NRG1: variants seen among roughly 807,000 people sequenced by gnomAD.
NRG1 encodes the protein pro-neuregulin-1, membrane-bound isoform.
Under a neutral mutation model 63.8 loss-of-function variants are expected in NRG1, and 18 were observed. That is an observed-to-expected ratio of 0.28 (90% confidence interval 0.19 to 0.42). The LOEUF (loss-of-function observed/expected upper bound fraction) is 0.42, where lower values mean the gene tolerates loss of function less well. Among genes scored for constraint, NRG1 ranks in the 10% least tolerant of loss-of-function variants. The pLI is 1.00. For synonymous variants in NRG1, 302 were observed against 301.3 expected, an observed-to-expected ratio of 1.00 and a Z score of -0.02; for missense variants, 762 against 814.7, an observed-to-expected ratio of 0.94 and a Z score of 0.79.
At chr8:31,665,126 T>G (rs1005929095) in intron 1 of NRG1, among the ~76,000 whole-genome samples, 3 of 152,012 alleles carry the variant, frequency 2.0e-5, no homozygotes, top group Non-Finnish European at 4.4e-5. Flanking sequence ...GGGTGCTGGG[T>G]TGGGCACTTT....
intron 5 of NRG1, among the ~76,000 whole-genome samples, chr8:32,620,862 GA>G (rs560353753): frequency 1.3e-5 from 2 of 151,334 alleles, no homozygotes; most frequent in African/African-American, 2.4e-5. Flanking sequence ...GAAAGAAAAA[GA>G]AAAAAACAAA....
intron 1 of NRG1, among the ~76,000 whole-genome samples, chr8:31,665,207 G>A (rs750969229): frequency 2.0e-5 from 3 of 152,102 alleles, no homozygotes; most frequent in Non-Finnish European, 4.4e-5. Flanking sequence ...GGAAGCATAG[G>A]CTCAGAAAGT....
At chr8:31,736,980 G>A (rs1365099777) in intron 1 of NRG1, among the ~76,000 whole-genome samples, 3 of 152,090 alleles carry the variant, frequency 2.0e-5, no homozygotes, top group Non-Finnish European at 2.9e-5. Flanking sequence ...ACAAATACAT[G>A]GTTTTGGTTC....
intron 1 of NRG1, among the ~76,000 whole-genome samples, chr8:32,551,997 G>A (rs1834227179): frequency 6.9e-6 from 1 of 144,380 alleles, no homozygotes; most frequent in Admixed American, 7.3e-5. Context: ...TGCAACCTCT[G>A]CCTCCTGGGT....
At chr8:32,089,838 T>G (rs1248618152) in intron 1 of NRG1, among the ~76,000 whole-genome samples, 1 of 152,212 alleles carries the variant, frequency 6.6e-6, no homozygotes, top group Non-Finnish European at 1.5e-5. Context: ...GACAGGAAGC[T>G]TCACAGATTT....
intron 1 of NRG1, among the ~76,000 whole-genome samples, chr8:32,115,744 ATACTAC>A (rs2131501251): frequency 6.6e-6 from 1 of 152,284 alleles, no homozygotes; most frequent in East Asian, 1.9e-4. Flanking sequence ...TACAAGGTGG[ATACTAC>A]TATTGTCCTC....
At chr8:32,460,057 C>T (rs1029959868) in intron 1 of NRG1, among the ~76,000 whole-genome samples, 2 of 152,214 alleles carry the variant, frequency 1.3e-5, no homozygotes, top group African/African-American at 4.8e-5. Flanking sequence ...CCTGCCACTC[C>T]TGCCCCTGAA....
intron 1 of NRG1, among the ~76,000 whole-genome samples, chr8:31,962,091 G>A (rs777157321): frequency 2.6e-4 from 39 of 152,068 alleles, no homozygotes; most frequent in Non-Finnish European, 4.1e-4. Context: ...TCTTCAAACC[G>A]TGTAGAAATA....
chr8:31,742,841 T>C (rs1242093917), intron 1 of NRG1, among the ~76,000 whole-genome samples: 1 of 151,988 alleles, frequency 6.6e-6, no homozygotes, highest in African/African-American at 2.4e-5. Context: ...GACATTTTCA[T>C]GAGCAAGGCC....
chr8:31,679,177 C>T lies in NRG1; in HGVS notation c.37+39746C>T, dbSNP rs186270274. ...TCCTTTCCTCCCTCAGTTCTCTTTT[C>T]ACCTGTTGTCTTCTCAATGAGGCTC... On this transcript the variant is annotated intron_variant, in intron 1 of 10. Transcript: ENST00000519301. 2.5e-3 allele frequency among the ~76,000 whole-genome samples: 382 copies of T among 152,024 alleles called. 5 individuals are homozygous for T. Among genetic ancestry groups the T allele is most frequent in the African/African-American group, 8.8e-3 (364 of 41,504 alleles).
At chr8:31,954,403 A>G (rs1804023657) in intron 1 of NRG1, among the ~76,000 whole-genome samples, 1 of 152,208 alleles carries the variant, frequency 6.6e-6, no homozygotes, top group Admixed American at 6.5e-5. Context: ...ATTTCTTAGG[A>G]TGTAAGAGAG....
intron 1 of NRG1, among the ~76,000 whole-genome samples, chr8:31,822,028 G>C (rs1824053535): frequency 6.6e-6 from 1 of 152,138 alleles, no homozygotes; most frequent in Admixed American, 6.5e-5. Flanking sequence ...CATTTCCACT[G>C]ACCAATAGAA....
chr8:31,852,793 G>T (rs922816008), intron 1 of NRG1, among the ~76,000 whole-genome samples: 2 of 152,158 alleles, frequency 1.3e-5, no homozygotes, highest in Non-Finnish European at 2.9e-5. Context: ...TGTATAAGGT[G>T]TAAGGAAGGG....
chr8:32,439,396 A>T (rs894486436), intron 1 of NRG1, among the ~76,000 whole-genome samples: 3 of 152,200 alleles, frequency 2.0e-5, no homozygotes, highest in African/African-American at 7.2e-5. Context: ...TTCCAGGAAG[A>T]TCATGACAGT....
chr8:31,966,646 G>A (rs1354045662), intron 1 of NRG1, among the ~76,000 whole-genome samples: 1 of 152,148 alleles, frequency 6.6e-6, no homozygotes, highest in African/African-American at 2.4e-5. Context: ...ATCTTAGAAG[G>A]TCAAGATTCC....
At chr8:32,087,611 C>T (rs896666240) in intron 1 of NRG1, among the ~76,000 whole-genome samples, 8 of 149,352 alleles carry the variant, frequency 5.4e-5, no homozygotes, top group Non-Finnish European at 1.0e-4. Flanking sequence ...GCTGGGACTA[C>T]AGGTGCGTGT....
chr8:32,746,604 A>G (rs1248160212), intron 7 of NRG1, among the ~76,000 whole-genome samples: 1 of 152,190 alleles, frequency 6.6e-6, no homozygotes, highest in East Asian at 1.9e-4. Context: ...AATATTTAAT[A>G]GTTTCTGAAG....
At chr8:31,703,388 G>T (rs1810819916) in intron 1 of NRG1, among the ~76,000 whole-genome samples, 2 of 151,806 alleles carry the variant, frequency 1.3e-5, no homozygotes, top group African/African-American at 4.8e-5. Flanking sequence ...GCCAAAACTT[G>T]AACTAAATTG....
chr8:31,994,903 T>C (rs192326331), intron 1 of NRG1, among the ~76,000 whole-genome samples: 29 of 152,060 alleles, frequency 1.9e-4, no homozygotes, highest in Admixed American at 1.5e-3. Context: ...AGTTAAAATA[T>C]TAAATTACCT....
Sources: allele counts gnomAD v4.1 joint callset (sites outside exome capture counted in the v4.1 genomes callset), GRCh38; gene constraint gnomAD v4.1.1; transcripts MANE v1.5; gene names NCBI Gene and HGNC (gene_info 2026-07-23, HGNC 2026-07-21).